The following VPS41 variants were observed in gnomAD, a reference collection of about 807,000 sequenced individuals.
VPS41 encodes vacuolar protein sorting-associated protein 41 homolog.
VPS41 carries 85 observed loss-of-function variants against 130.9 expected under a neutral mutation model. The ratio of observed to expected loss-of-function variants is 0.65; its 90% CI spans 0.55 to 0.78. The LOEUF (loss-of-function observed/expected upper bound fraction) is 0.78, where lower values mean the gene tolerates loss of function less well. VPS41 is among the 30% of genes least tolerant of loss of function. The pLI is 0.00. For missense variants in VPS41, 874 were observed against 1,018.7 expected (o/e 0.86, Z 1.93); for synonymous variants, 335 against 332.9 (o/e 1.01, Z -0.07).
intron 25 of VPS41, among the ~76,000 whole-genome samples, chr7:38,741,752 T>C (rs1168269460): frequency 6.6e-6 from 1 of 152,208 alleles, no homozygotes; most frequent in Non-Finnish European, 1.5e-5. Context: ...TGGAGATGGC[T>C]AAAGAATCAA....
At chr7:38,835,436 C>G (rs1185865334) in intron 4 of VPS41, among the ~76,000 whole-genome samples, 1 of 151,818 alleles carries the variant, frequency 6.6e-6, no homozygotes, top group East Asian at 1.9e-4. Flanking sequence ...TGTGTAATTA[C>G]AGTAATTATT....
At chr7:38,875,361 A>G (rs1183404970) in intron 2 of VPS41, among the ~76,000 whole-genome samples, 1 of 152,178 alleles carries the variant, frequency 6.6e-6, no homozygotes, top group Admixed American at 6.5e-5. Context: ...GAGAAAAAAG[A>G]ATGCCTAAAA....
intron 1 of VPS41, 125 bp from the exon 2 acceptor site, chr7:38,898,254 ATACTT>A (rs1362226481): frequency 2.7e-6 from 2 of 740,532 alleles, no homozygotes; most frequent in Non-Finnish European, 4.5e-6. Context: ...ATCTACAACT[ATACTT>A]TAGAGGACCA....
intron 14 of VPS41, among the ~76,000 whole-genome samples, chr7:38,770,409 C>CTCCACAA (rs1213193106): frequency 6.6e-6 from 1 of 151,670 alleles, no homozygotes; most frequent in Non-Finnish European, 1.5e-5. Flanking sequence ...CTTGCTTATT[C>CTCCACAA]TCCACAATTT....
At chr7:38,760,056 C>T in intron 17 of VPS41, among the ~76,000 whole-genome samples, 1 of 152,126 alleles carries the variant, frequency 6.6e-6, no homozygotes, top group Non-Finnish European at 1.5e-5. Flanking sequence ...CTCTAGATCT[C>T]AAATTTTGTG....
chr7:38,786,376 A>AT, intron 10 of VPS41, among the ~76,000 whole-genome samples: 1 of 152,314 alleles, frequency 6.6e-6, no homozygotes, highest in Non-Finnish European at 1.5e-5. Flanking sequence ...TGGTTGTTAT[A>AT]TAAGGAACAA....
At chr7:38,880,417 G>A (rs2116377890) in intron 2 of VPS41, among the ~76,000 whole-genome samples, 1 of 152,212 alleles carries the variant, frequency 6.6e-6, no homozygotes, top group Non-Finnish European at 1.5e-5. Context: ...GAATGTAAAA[G>A]GAAATGCTAC....
intron 2 of VPS41, among the ~76,000 whole-genome samples, chr7:38,889,554 CAAAACA>C (rs1786814266): frequency 2.0e-5 from 2 of 101,984 alleles, no homozygotes; most frequent in South Asian, 5.6e-4. Context: ...CAAAACAAAA[CAAAACA>C]AAAAAAAAAA....
chr7:38,818,664 C>A (rs1785108671), intron 6 of VPS41, among the ~76,000 whole-genome samples: 1 of 152,162 alleles, frequency 6.6e-6, no homozygotes, highest in Non-Finnish European at 1.5e-5. Context: ...TCTGTTGTGG[C>A]TGTAAGCTTG....
intron 7 of VPS41, among the ~76,000 whole-genome samples, chr7:38,815,398 T>A (rs1785025750): frequency 6.6e-6 from 1 of 152,052 alleles, no homozygotes; most frequent in Non-Finnish European, 1.5e-5. Flanking sequence ...CACCCCAACT[T>A]GGGCAACAGA....
rs1220033450 is a variant in VPS41 at position 38,869,130 on chromosome 7, G to C, written c.168+16C>G. 9 of 1,509,586 alleles carry C rather than the reference G, an allele frequency of 6.0e-6. No individual in the cohort carries two copies. Among genetic ancestry groups the C allele is most frequent in the Non-Finnish European group, 8.1e-6 (9 of 1,115,484 alleles). The allele number at this position is 1,509,586 out of a possible 1,614,324, so 93.5% of individuals were successfully genotyped here. ...GAAACAATTTACAGAAGAATCCTCT[G>C]AAAGTGCTATCTTACCTTGTCATGG... On this transcript the variant is annotated intron_variant, in intron 3 of 28. Transcript: ENST00000310301.
intron 25 of VPS41, among the ~76,000 whole-genome samples, chr7:38,735,880 G>A (rs914382109): frequency 6.6e-5 from 10 of 152,114 alleles, no homozygotes; most frequent in East Asian, 1.9e-4. Context: ...ACCTAGCCCC[G>A]GCCAGGGTTC....
At position 38,897,980 on chromosome 7, in the gene VPS41, C is replaced by T. The variant is rs80262046; in HGVS notation, c.60+111G>A. 1,966 of 924,938 alleles carry T rather than the reference C, an allele frequency of 2.1e-3. 31 individuals are homozygous for T. In the African/African-American group the frequency reaches 0.03, roughly 14 times the overall value. 57.3% of individuals were successfully genotyped at this position (924,938 alleles called of 1,614,324 possible). ...TTCCCCAAGGCTTAGTTACCTATCG[C>T]CCTGCTTTACACCCTCAGCCCCTGG... is the stretch of plus-strand genomic sequence containing the variant. On this transcript the variant is annotated intron_variant, in intron 2 of 28. Transcript: ENST00000310301.
intron 9 of VPS41, among the ~76,000 whole-genome samples, chr7:38,794,486 T>C (rs1784585613): frequency 6.6e-6 from 1 of 152,252 alleles, no homozygotes; most frequent in Non-Finnish European, 1.5e-5. Context: ...CTTCATGACA[T>C]TGCTAGAACT....
intron 28 of VPS41, 66 bp from the exon 29 acceptor site, chr7:38,726,392 A>G: frequency 7.8e-7 from 1 of 1,284,146 alleles, no homozygotes; most frequent in South Asian, 1.2e-5. Flanking sequence ...CATATTCAGA[A>G]ACACTAAGGT....
At chr7:38,900,192 G>A (rs935806568) in intron 1 of VPS41, among the ~76,000 whole-genome samples, 1 of 152,178 alleles carries the variant, frequency 6.6e-6, no homozygotes, top group African/African-American at 2.4e-5. Flanking sequence ...AGCAGGTCAA[G>A]GCTGCAGTGA....
chr7:38,779,928 GTTTA>G (rs947969358), intron 10 of VPS41, among the ~76,000 whole-genome samples: 20 of 152,174 alleles, frequency 1.3e-4, no homozygotes, highest in African/African-American at 4.6e-4. Context: ...GGAAGTTTCA[GTTTA>G]TTTACTTTCA....
intron 2 of VPS41, among the ~76,000 whole-genome samples, chr7:38,877,155 C>T (rs1458035688): frequency 6.6e-6 from 1 of 152,020 alleles, no homozygotes; most frequent in Non-Finnish European, 1.5e-5. Context: ...ACTGTGGGTA[C>T]CTAATAAAGA....
intron 9 of VPS41, 40 bp downstream of exon 9, chr7:38,795,425 T>C (rs1391414412): frequency 6.3e-7 from 1 of 1,583,498 alleles, no homozygotes; most frequent in South Asian, 1.2e-5. Context: ...TCAGTGGATC[T>C]ATAACAACAC....
Sources: allele counts gnomAD v4.1 joint callset (sites outside exome capture counted in the v4.1 genomes callset), GRCh38; gene constraint gnomAD v4.1.1; transcripts MANE v1.5; gene names NCBI Gene and HGNC (gene_info 2026-07-23, HGNC 2026-07-21).